TACC1: variants seen among roughly 807,000 people sequenced by gnomAD.
The protein encoded by TACC1 is transforming acidic coiled-coil-containing protein 1.
Under a neutral mutation model 84.4 loss-of-function variants are expected in TACC1, and 48 were observed. The ratio of observed to expected loss-of-function variants is 0.57; its 90% CI spans 0.45 to 0.72. The LOEUF (loss-of-function observed/expected upper bound fraction) is 0.72, where lower values mean the gene tolerates loss of function less well. TACC1 is among the 30% of genes least tolerant of loss of function. TACC1 has a pLI of 0.00. For missense variants in TACC1, 920 were observed against 973.0 expected, an observed-to-expected ratio of 0.95 and a Z score of 0.72; for synonymous variants, 372 against 376.3, an observed-to-expected ratio of 0.99 and a Z score of 0.13.
At chr8:38,795,933 T>A (rs1819860169) in intron 2 of TACC1, among the ~76,000 whole-genome samples, 1 of 152,190 alleles carries the variant, frequency 6.6e-6, no homozygotes, top group African/African-American at 2.4e-5. Context: ...AATTCACAAA[T>A]GAAAAATGTA....
At chr8:38,785,283 A>G (rs1816915487), upstream of TACC1, among the ~76,000 whole-genome samples, 1 of 152,250 alleles carries the variant, frequency 6.6e-6, no homozygotes, top group South Asian at 2.1e-4. Context: ...CAGGACACTT[A>G]GTGAACACAC....
chr8:38,759,302 A>T (rs1810744464), intron 3 of TACC1, among the ~76,000 whole-genome samples: 1 of 152,196 alleles, frequency 6.6e-6, no homozygotes, highest in South Asian at 2.1e-4. Flanking sequence ...TATGAATAAT[A>T]AGTTATAGTT....
intron 3 of TACC1, among the ~76,000 whole-genome samples, chr8:38,756,037 A>G (rs1809972832): frequency 6.6e-6 from 1 of 151,484 alleles, no homozygotes; most frequent in Admixed American, 6.6e-5. Context: ...CTGGTCTCTA[A>G]CTCCTGACCT....
chr8:38,817,345 C>T lies in TACC1; in HGVS notation c.278-2177C>T, dbSNP rs11782402. ...TAACACATTTATAACAGTTCACATA[C>T]ATGGACAGAGATAATAGACTCTGTA... On this transcript the variant is annotated intron_variant, in intron 2 of 12. Transcript: ENST00000317827. Among the ~76,000 whole-genome samples, 1,091 of 152,332 alleles carry T rather than the reference C, an allele frequency of 7.2e-3. 8 individuals are homozygous for T. The highest frequency in any genetic ancestry group is 0.012 in the Non-Finnish European group (788 of 68,026).
chr8:38,757,812 C>A (rs767083817), intron 3 of TACC1, among the ~76,000 whole-genome samples: 3 of 152,192 alleles, frequency 2.0e-5, no homozygotes, highest in Non-Finnish European at 2.9e-5. Flanking sequence ...ACGCAATTGG[C>A]GTTGGCCCTC....
chr8:38,837,419 A>G (rs927908279), intron 7 of TACC1, among the ~76,000 whole-genome samples: 8 of 152,146 alleles, frequency 5.3e-5, no homozygotes, highest in African/African-American at 1.9e-4. Context: ...GCGAAACTCC[A>G]TCTCAGAAAA....
At chr8:38,844,787 G>T (rs1404333998) in intron 11 of TACC1, 2 of 152,070 alleles carry the variant, frequency 1.3e-5, no homozygotes, top group South Asian at 2.1e-4. Flanking sequence ...TGGATTCTTT[G>T]TCATAGTAAC....
At chr8:38,805,347 A>G (rs1822424027) in intron 2 of TACC1, 1 of 152,264 alleles carries the variant, frequency 6.6e-6, no homozygotes, top group Non-Finnish European at 1.5e-5. Flanking sequence ...CTTTTGCTGA[A>G]TACGAAAACA....
Position 38,823,213 on chromosome 8 carries a change from C to T in TACC1, c.1392-2095C>T, listed in dbSNP as rs540203809. Reference sequence around the variant, plus strand: ...ATAGGAACCAGTTCCTCAGCAGCCCCGGAATGGCTAAGGGGAGTGAAATGT... The same window carrying T: ...ATAGGAACCAGTTCCTCAGCAGCCCTGGAATGGCTAAGGGGAGTGAAATGT... On this transcript the variant is annotated intron_variant, in intron 3 of 12. Coordinates refer to ENST00000317827, the MANE Select transcript of TACC1 (RefSeq NM_006283.3). Among the ~76,000 whole-genome samples, 8 of 152,278 alleles carry T rather than the reference C, an allele frequency of 5.3e-5. 1 individual carries two copies. In the South Asian group the frequency reaches 1.2e-3, roughly 24 times the overall value.
rs754770769 is a variant in TACC1 at position 38,820,088 on chromosome 8, G to T, written c.844G>T (p.Ala282Ser). 1.2e-6 allele frequency: 2 copies of T among 1,614,058 alleles called. No homozygotes were observed. Among genetic ancestry groups the T allele is most frequent in the South Asian group, 2.2e-5 (2 of 91,080 alleles). Residue 282 changes from alanine to serine, a missense_variant, in exon 3 of 13, where the codon GCC becomes TCC. Ala to Ser is a moderately conservative substitution (Grantham distance 99). Around this residue, in one of 2 missense-constraint regions of TACC1, gnomAD observed 762 missense variants for 747.3 expected, o/e 1.02. Coordinates refer to ENST00000317827, the MANE Select transcript of TACC1 (RefSeq NM_006283.3). ...GAACACAAGTCCTTTGCTAGGAGAT[G>T]CCAGGTTCCAGAAGTCTCCCCCTGA... ...DENTSPLLGD[A>S]RFQKSPPDLK...
Position 38,824,023 on chromosome 8 carries a change from G to T in TACC1, c.1392-1285G>T, listed in dbSNP as rs950390920. 4 of 1,351,856 alleles carry T rather than the reference G, an allele frequency of 3.0e-6. No individual in the cohort carries two copies. The African/African-American group carries it at 5.9e-5, about 20-fold the overall frequency. The allele number at this position is 1,351,856 out of a possible 1,614,324, so 83.7% of individuals were successfully genotyped here. A position where few individuals can be genotyped will look rare whatever the true frequency, so the allele number is the denominator to read the frequency against. ...AACAAGTGAAATTTCTCTGTTTTCT[G>T]TTGTAAGTACTCCTGCTGTTTCTTT... On this transcript the variant is annotated intron_variant, in intron 3 of 12. Transcript: ENST00000317827.
chr8:38,813,852 C>A (rs1362491210), intron 2 of TACC1, among the ~76,000 whole-genome samples: 1 of 152,126 alleles, frequency 6.6e-6, no homozygotes, highest in Admixed American at 6.5e-5. Flanking sequence ...TTGGTCTCGG[C>A]AGAAATCCAC....
At chr8:38,825,226 C>A in intron 3 of TACC1, 82 bp from the exon 4 acceptor site, 1 of 1,460,888 alleles carries the variant, frequency 6.8e-7, no homozygotes, top group Non-Finnish European at 9.6e-7. Flanking sequence ...TATCCGCACA[C>A]ACTGCTGTCT....
chr8:38,767,907 A>T (rs1392909313), intron 3 of TACC1, among the ~76,000 whole-genome samples: 1 of 152,016 alleles, frequency 6.6e-6, no homozygotes, highest in Admixed American at 6.6e-5. Flanking sequence ...TGTACAAATA[A>T]TTTTTTTAAA....
chr8:38,796,854 C>T (rs1820120233), intron 2 of TACC1, among the ~76,000 whole-genome samples: 2 of 152,198 alleles, frequency 1.3e-5, no homozygotes, highest in Admixed American at 1.3e-4. Flanking sequence ...TTGGTGATCT[C>T]TGGCTGCATA....
chr8:38,839,532 G>A (rs553239539), intron 8 of TACC1: 9 of 331,688 alleles, frequency 2.7e-5, no homozygotes, highest in African/African-American at 1.9e-4. Flanking sequence ...TGATGGAAAG[G>A]AAGGGACATT....
intron 3 of TACC1, among the ~76,000 whole-genome samples, chr8:38,764,912 G>A (rs1038403150): frequency 1.1e-4 from 16 of 152,080 alleles, no homozygotes; most frequent in Non-Finnish European, 4.4e-5. Context: ...CAGCCTGGCC[G>A]ACGTTGCGAA....
intron 11 of TACC1, 88 bp downstream of exon 11, chr8:38,843,483 A>T: frequency 1.1e-6 from 1 of 911,828 alleles, no homozygotes; most frequent in Non-Finnish European, 1.6e-6. Flanking sequence ...TCGCAACTCC[A>T]GGTTGTATTT....
intron 3 of TACC1, among the ~76,000 whole-genome samples, chr8:38,825,056 C>T (rs971472287): frequency 1.3e-5 from 2 of 152,154 alleles, no homozygotes; most frequent in African/African-American, 4.8e-5. Context: ...TGTTTGACAA[C>T]TCATAGAAGC....
Sources: gnomAD v4.1 joint callset for allele counts (sites outside exome capture counted in the v4.1 genomes callset) on GRCh38, gnomAD v4.1.1 for gene constraint, gnomAD v4.1.1 regional missense constraint, MANE v1.5 for transcripts, NCBI Gene and HGNC (gene_info 2026-07-23, HGNC 2026-07-21) for gene names.